The following CPNE4 variants were observed in gnomAD, a reference collection of about 807,000 sequenced individuals.
The protein encoded by CPNE4 is copine-4.
In CPNE4, 25 loss-of-function variants were observed where a neutral mutation model predicts 67.9. The observed-to-expected ratio is 0.37, with a 90% CI of 0.27 to 0.51. CPNE4 has a LOEUF of 0.51. Among genes scored for constraint, CPNE4 ranks in the 20% least tolerant of loss-of-function variants. CPNE4 has a pLI of 0.93. For missense variants in CPNE4, 464 were observed against 690.8 expected, an observed-to-expected ratio of 0.67 and a Z score of 3.68; for synonymous variants, 242 against 244.9, an observed-to-expected ratio of 0.99 and a Z score of 0.11.
intron 2 of CPNE4, among the ~76,000 whole-genome samples, chr3:131,805,552 T>C (rs951355414): frequency 3.9e-5 from 6 of 152,210 alleles, no homozygotes; most frequent in African/African-American, 1.4e-4. Flanking sequence ...ACTCAGAGTC[T>C]CTCATGAAGT....
At chr3:131,628,875 A>C (rs1271600157) in intron 7 of CPNE4, among the ~76,000 whole-genome samples, 1 of 130,660 alleles carries the variant, frequency 7.7e-6, no homozygotes, top group African/African-American at 4.0e-5. Flanking sequence ...GATTTTTTGA[A>C]GGGTTTTTTG....
At chr3:131,624,816 A>G (rs1364145339) in intron 7 of CPNE4, among the ~76,000 whole-genome samples, 1 of 152,182 alleles carries the variant, frequency 6.6e-6, no homozygotes, top group Non-Finnish European at 1.5e-5. Flanking sequence ...CTCACATAGC[A>G]CTTTACCAGG....
chr3:131,975,893 G>C (rs1218538276), intron 1 of CPNE4, among the ~76,000 whole-genome samples: 1 of 152,032 alleles, frequency 6.6e-6, no homozygotes, highest in African/African-American at 2.4e-5. Context: ...GCTTGTAACA[G>C]TGAAATAAAC....
intron 2 of CPNE4, among the ~76,000 whole-genome samples, chr3:131,737,540 A>C (rs2082266812): frequency 6.6e-6 from 1 of 152,198 alleles, no homozygotes; most frequent in Admixed American, 6.5e-5. Context: ...CAGCATCATT[A>C]AAATGATCAA....
intron 2 of CPNE4, among the ~76,000 whole-genome samples, chr3:131,817,830 T>C (rs2084804117): frequency 6.6e-6 from 1 of 152,176 alleles, no homozygotes; most frequent in African/African-American, 2.4e-5. Flanking sequence ...TGTCCTAACC[T>C]TCTTGAATAA....
At chr3:131,671,435 G>A (rs1470013558) in intron 6 of CPNE4, among the ~76,000 whole-genome samples, 1 of 146,956 alleles carries the variant, frequency 6.8e-6, no homozygotes, top group Non-Finnish European at 1.5e-5. Context: ...AAATCTTTAT[G>A]TGTATGTATG....
chr3:131,973,700 A>G (rs1293256251), intron 1 of CPNE4, among the ~76,000 whole-genome samples: 1 of 152,238 alleles, frequency 6.6e-6, no homozygotes, highest in South Asian at 2.1e-4. Context: ...ATCAAAATGT[A>G]TCCATTCCAA....
chr3:132,016,339 C>T (rs1444500915), intron 1 of CPNE4, among the ~76,000 whole-genome samples: 1 of 152,190 alleles, frequency 6.6e-6, no homozygotes, highest in African/African-American at 2.4e-5. Context: ...GAATTTCAAC[C>T]ACCGATCTAG....
chr3:131,936,330 C>G (rs1186296699), intron 1 of CPNE4, among the ~76,000 whole-genome samples: 1 of 151,908 alleles, frequency 6.6e-6, no homozygotes, highest in African/African-American at 2.4e-5. Flanking sequence ...AGGGTTTTAC[C>G]TGAAGTGCAG....
chr3:131,566,484 G>A (rs777016912), intron 10 of CPNE4, among the ~76,000 whole-genome samples: 1 of 151,102 alleles, frequency 6.6e-6, no homozygotes, highest in Admixed American at 6.6e-5. Context: ...CAAGGACTAC[G>A]ATGAAAAGCT....
At chr3:131,585,333 G>C (rs1451866149) in intron 8 of CPNE4, among the ~76,000 whole-genome samples, 1 of 152,150 alleles carries the variant, frequency 6.6e-6, no homozygotes, top group African/African-American at 2.4e-5. Flanking sequence ...TTTAGAGCCT[G>C]TCACAGTGCT....
At chr3:131,537,506 C>T (rs1935224552) in intron 15 of CPNE4, 1 of 177,294 alleles carries the variant, frequency 5.6e-6, no homozygotes, top group Admixed American at 6.3e-5. Context: ...TGGTCTCGAA[C>T]TCCTGACCTC....
At chr3:131,604,727 C>T (rs745790198) in intron 7 of CPNE4, among the ~76,000 whole-genome samples, 30 of 151,974 alleles carry the variant, frequency 2.0e-4, no homozygotes, top group Middle Eastern at 6.8e-3. Context: ...TGTTGTGGGA[C>T]CTTGTGATTG....
At chr3:131,775,451 C>A (rs1041561905) in intron 2 of CPNE4, among the ~76,000 whole-genome samples, 4 of 152,134 alleles carry the variant, frequency 2.6e-5, no homozygotes, top group South Asian at 2.1e-4. Context: ...TGTCCCCACC[C>A]AAATCTCATC....
At chr3:131,627,993 G>A (rs1204626839) in intron 7 of CPNE4, among the ~76,000 whole-genome samples, 1 of 152,204 alleles carries the variant, frequency 6.6e-6, no homozygotes, top group African/African-American at 2.4e-5. Context: ...CAGTGACAGG[G>A]TTTGAGAGGA....
At chr3:131,811,557 C>T (rs1273025349) in intron 2 of CPNE4, among the ~76,000 whole-genome samples, 1 of 152,092 alleles carries the variant, frequency 6.6e-6, no homozygotes, top group Admixed American at 6.6e-5. Context: ...AAAGTACCTT[C>T]CATGGGAGTT....
intron 1 of CPNE4, among the ~76,000 whole-genome samples, chr3:131,930,637 T>G (rs1395660473): frequency 6.6e-6 from 1 of 152,134 alleles, no homozygotes. Flanking sequence ...AAGCGCTTAG[T>G]ACAGTGTCTG....
At chr3:132,005,836 T>C (rs992597100) in intron 1 of CPNE4, among the ~76,000 whole-genome samples, 1 of 152,008 alleles carries the variant, frequency 6.6e-6, no homozygotes, top group Admixed American at 6.6e-5. Flanking sequence ...ACCCATATTG[T>C]TCAAGGGTGA....
intron 1 of CPNE4, among the ~76,000 whole-genome samples, chr3:131,939,958 G>A (rs780375796): frequency 1.1e-4 from 17 of 152,146 alleles, no homozygotes; most frequent in Non-Finnish European, 1.6e-4. Flanking sequence ...GGAGTAACTT[G>A]CCCTAAGTCA....
Sources: gnomAD v4.1 joint callset for allele counts (sites outside exome capture counted in the v4.1 genomes callset) on GRCh38, gnomAD v4.1.1 for gene constraint, MANE v1.5 for transcripts, NCBI Gene and HGNC (gene_info 2026-07-23, HGNC 2026-07-21) for gene names.